The following UBE2D2 variants were observed in gnomAD, a reference collection of about 807,000 sequenced individuals.
UBE2D2 encodes ubiquitin conjugating enzyme E2 D2.
A neutral mutation model predicts 24.2 loss-of-function variants in UBE2D2; 2 were observed. That is an observed-to-expected ratio of 0.08 (90% CI 0.03 to 0.26). The LOEUF (loss-of-function observed/expected upper bound fraction) is 0.26. Ranked by LOEUF, UBE2D2 falls within the 10% of genes least tolerant of loss-of-function variation. UBE2D2 has a pLI of 1.00. For missense variants in UBE2D2, 44 were observed against 177.6 expected (o/e 0.25, Z 4.28); for synonymous variants, 58 against 56.5 (o/e 1.03, Z -0.12).
Position 139,605,747 on chromosome 5 carries a change from GTCT to G in UBE2D2, c.88+5317_88+5319del, listed in dbSNP as rs937729848. 7.8e-5 allele frequency among the ~76,000 whole-genome samples: 11 copies of G among 140,772 alleles called. No individual in the cohort carries two copies. The Admixed American group carries it at 8.3e-4, about 11-fold the overall frequency. 92.4% of individuals were successfully genotyped at this position (140,772 alleles called of 152,430 possible). Reference sequence around the variant, plus strand: ...TTCTCCCTCGTCTTCCTCTCCTCTGGTCTTCTTTAAAGGCAGGGGCTCACTCTG... The same window carrying G: ...TTCTCCCTCGTCTTCCTCTCCTCTGGTCTTTAAAGGCAGGGGCTCACTCTG... On this transcript the variant is annotated intron_variant, in intron 2 of 6. Coordinates refer to ENST00000398733, the MANE Select transcript of UBE2D2 (RefSeq NM_003339.3).
intron 1 of UBE2D2, among the ~76,000 whole-genome samples, chr5:139,588,566 A>C (rs1378929434): frequency 6.6e-6 from 1 of 152,202 alleles, no homozygotes; most frequent in African/African-American, 2.4e-5. Context: ...AGTACAACAA[A>C]TTAGATTATA....
At chr5:139,541,387 T>G (rs1752759304) in intron 1 of UBE2D2, among the ~76,000 whole-genome samples, 1 of 145,126 alleles carries the variant, frequency 6.9e-6, no homozygotes, top group African/African-American at 2.6e-5. Flanking sequence ...GGATCACAAG[T>G]TCAGGAGTTC....
At chr5:139,537,465 C>G (rs1581479709) in intron 1 of UBE2D2, among the ~76,000 whole-genome samples, 1 of 152,040 alleles carries the variant, frequency 6.6e-6, no homozygotes, top group African/African-American at 2.4e-5. Flanking sequence ...TTGCCACAAT[C>G]ACTTTTATTA....
At chr5:139,543,529 G>T (rs1246856478) in intron 1 of UBE2D2, among the ~76,000 whole-genome samples, 1 of 152,224 alleles carries the variant, frequency 6.6e-6, no homozygotes, top group Admixed American at 6.5e-5. Flanking sequence ...GCCTTACCCC[G>T]CCGGAGGGCG....
At chr5:139,534,817 T>A (rs538523850) in intron 1 of UBE2D2, among the ~76,000 whole-genome samples, 1 of 152,072 alleles carries the variant, frequency 6.6e-6, no homozygotes, top group Non-Finnish European at 1.5e-5. Flanking sequence ...ATATTTCCTA[T>A]AGTATTGTTT....
intron 1 of UBE2D2, among the ~76,000 whole-genome samples, chr5:139,585,961 A>G (rs915493491): frequency 8.9e-5 from 13 of 146,708 alleles, no homozygotes; most frequent in African/African-American, 2.9e-4. Context: ...AAAAAAAAAA[A>G]GAAGAAAGAA....
At chr5:139,582,315 T>G (rs1313012358) in intron 1 of UBE2D2, among the ~76,000 whole-genome samples, 1 of 151,400 alleles carries the variant, frequency 6.6e-6, no homozygotes, top group Admixed American at 6.6e-5. Context: ...CAGGCCGGAG[T>G]GCAGTGGTAT....
chr5:139,559,065 T>A (rs1313562122), upstream of UBE2D2, among the ~76,000 whole-genome samples: 2 of 152,104 alleles, frequency 1.3e-5, no homozygotes, highest in South Asian at 4.2e-4. Flanking sequence ...CTTCCCAAAT[T>A]ACTGAGATTA....
chr5:139,606,318 C>T (rs1034187001), intron 2 of UBE2D2, among the ~76,000 whole-genome samples: 5 of 152,052 alleles, frequency 3.3e-5, no homozygotes, highest in Non-Finnish European at 5.9e-5. Flanking sequence ...TGCACCACCA[C>T]GACCGACTAA....
intron 1 of UBE2D2, among the ~76,000 whole-genome samples, chr5:139,549,904 CA>C (rs957988757): frequency 1.3e-5 from 2 of 152,190 alleles, no homozygotes; most frequent in Non-Finnish European, 2.9e-5. Context: ...ATGGATGCAG[CA>C]ATCAGCACTC....
chr5:139,531,688 A>G (rs1752599456), intron 1 of UBE2D2, among the ~76,000 whole-genome samples: 1 of 151,958 alleles, frequency 6.6e-6, no homozygotes, highest in Non-Finnish European at 1.5e-5. Context: ...CTGGCTGGAC[A>G]CTGTGGCACA....
In UBE2D2 at chr5:139,571,126, C is replaced by T. The variant is rs115324776; in HGVS notation, c.24+9311C>T. 9.4e-3 allele frequency among the ~76,000 whole-genome samples: 1,433 copies of T among 151,850 alleles called. 11 individuals carry two copies. Among genetic ancestry groups the T allele is most frequent in the Middle Eastern group, 0.041 (12 of 292 alleles). ...CCTTCAAGGTATTAAAACAACAGATCGGCTGGGCGCGGTGGCTCATGCCTG... is the reference window on the plus strand; with the variant it reads ...CCTTCAAGGTATTAAAACAACAGATTGGCTGGGCGCGGTGGCTCATGCCTG... On this transcript the variant is annotated intron_variant, in intron 1 of 6. Coordinates refer to ENST00000398733, the MANE Select transcript of UBE2D2 (RefSeq NM_003339.3).
intron 2 of UBE2D2, among the ~76,000 whole-genome samples, chr5:139,603,591 C>G (rs1754128594): frequency 7.0e-6 from 1 of 142,316 alleles, no homozygotes; most frequent in African/African-American, 2.7e-5. Context: ...CACTACACTC[C>G]AGCCTGGGTG....
chr5:139,586,185 T>G lies in UBE2D2; in HGVS notation c.25-14187T>G, dbSNP rs375921196. ...AGATAAAGATTATCTGGGGTCTAGC[T>G]TAGAATTTTTTTTTTTTTTTAAATC... On this transcript the variant is annotated intron_variant, in intron 1 of 6. Transcript: ENST00000398733. Among the ~76,000 whole-genome samples the G allele has an allele frequency of 2.0e-4, 30 of 152,040 alleles. No individual in the cohort carries two copies. The Middle Eastern group carries it at 0.01, about 52-fold the overall frequency.
chr5:139,552,325 GCTAA>G (rs1392094085), intron 1 of UBE2D2, among the ~76,000 whole-genome samples: 1 of 151,926 alleles, frequency 6.6e-6, no homozygotes, highest in Non-Finnish European at 1.5e-5. Flanking sequence ...ACCACGCCTG[GCTAA>G]CTTTTTTTTG....
At chr5:139,593,992 G>A (rs549260400) in intron 1 of UBE2D2, among the ~76,000 whole-genome samples, 158 of 152,190 alleles carry the variant, frequency 1.0e-3, no homozygotes, top group African/African-American at 3.7e-3. Flanking sequence ...AAAGAGCCTC[G>A]ATTTGTATAG....
chr5:139,538,801 A>G (rs1376511907), intron 1 of UBE2D2, among the ~76,000 whole-genome samples: 1 of 151,666 alleles, frequency 6.6e-6, no homozygotes, highest in African/African-American at 2.4e-5. Flanking sequence ...TGAACCCAGG[A>G]GGCGGAGGTT....
chr5:139,615,829 A>ATTT lies in UBE2D2; in HGVS notation c.304+885_304+887dup, dbSNP rs200247238. ...TCACAGTTGCGTTACAATAATCTAGATTTTTTTTTTTTTTTTTTTTTTTTG... is the reference window on the plus strand; with the variant it reads ...TCACAGTTGCGTTACAATAATCTAGATTTTTTTTTTTTTTTTTTTTTTTTTTTG... On this transcript the variant is annotated intron_variant, in intron 5 of 6. Transcript: ENST00000398733. Among the ~76,000 whole-genome samples, 277 of 95,416 alleles carry ATTT rather than the reference A, an allele frequency of 2.9e-3. 3 individuals carry two copies. Among genetic ancestry groups the ATTT allele is most frequent in the African/African-American group, 6.9e-3 (143 of 20,654 alleles). 62.6% of individuals were successfully genotyped at this position (95,416 alleles called of 152,430 possible).
At position 139,611,251 on chromosome 5, in the gene UBE2D2, A is replaced by G. The variant is rs1476889834; in HGVS notation, c.89-3335A>G. Among the ~76,000 whole-genome samples, 11 of 129,824 alleles carry G rather than the reference A, an allele frequency of 8.5e-5. No homozygotes were observed. The Admixed American group carries it at 9.1e-4, about 11-fold the overall frequency. The allele number at this position is 129,824 out of a possible 152,430, so 85.2% of individuals were successfully genotyped here. A position where few individuals can be genotyped will look rare whatever the true frequency, so the allele number is the denominator to read the frequency against. Reference sequence around the variant, plus strand: ...TCCCAGGCTGGAGTGCAATGGTGCAATCTCAGCTCACTGCAGCATTCACCT... The same window carrying G: ...TCCCAGGCTGGAGTGCAATGGTGCAGTCTCAGCTCACTGCAGCATTCACCT... On this transcript the variant is annotated intron_variant, in intron 2 of 6. Coordinates refer to ENST00000398733, the MANE Select transcript of UBE2D2 (RefSeq NM_003339.3).
Sources: gnomAD v4.1 joint callset for allele counts (sites outside exome capture counted in the v4.1 genomes callset) on GRCh38, gnomAD v4.1.1 for gene constraint, MANE v1.5 for transcripts, NCBI Gene and HGNC (gene_info 2026-07-23, HGNC 2026-07-21) for gene names.